The following PCDHGA6 variants were observed in gnomAD, a reference collection of about 807,000 sequenced individuals.
PCDHGA6 encodes protocadherin gamma-A6.
PCDHGA6 carries 41 observed loss-of-function variants against 60.6 expected under a neutral mutation model. The ratio of observed to expected loss-of-function variants is 0.68; its 90% CI spans 0.53 to 0.88. The LOEUF (loss-of-function observed/expected upper bound fraction) is 0.88, where lower values mean the gene tolerates loss of function less well. Among genes scored for constraint, PCDHGA6 ranks in the 40% least tolerant of loss-of-function variants. The pLI is 0.00. For missense variants in PCDHGA6, 1,312 were observed against 1,203.0 expected (o/e 1.09, Z -1.34); for synonymous variants, 594 against 524.4 (o/e 1.13, Z -1.81).
chr5:141,399,608 C>T (rs767025311), intron 1 of PCDHGA6: 3 of 1,613,962 alleles, frequency 1.9e-6, no homozygotes, highest in Non-Finnish European at 2.5e-6. Flanking sequence ...GACCTAGAGC[C>T]TCTGGCACTG....
chr5:141,417,682 AAAAG>A (rs2096147308), intron 1 of PCDHGA6: 2 of 1,035,494 alleles, frequency 1.9e-6, no homozygotes, highest in Non-Finnish European at 2.7e-6. Context: ...CCAACAACAG[AAAAG>A]AAAACCAGCT....
At chr5:141,500,618 C>A (rs554274946) in intron 2 of PCDHGA6, among the ~76,000 whole-genome samples, 27 of 152,260 alleles carry the variant, frequency 1.8e-4, no homozygotes, top group African/African-American at 6.5e-4. Context: ...CCCAGTCATA[C>A]GGTACATTTC....
intron 1 of PCDHGA6, chr5:141,404,234 G>A (rs2094500908): frequency 6.2e-7 from 1 of 1,613,770 alleles, no homozygotes; most frequent in African/African-American, 1.3e-5. Context: ...AACAGACAGA[G>A]GAACTCCGCC....
At chr5:141,385,487 A>G in intron 1 of PCDHGA6, 1 of 1,416,436 alleles carries the variant, frequency 7.1e-7, no homozygotes, top group Admixed American at 3.0e-5. Flanking sequence ...TATAGAACAC[A>G]TAGGATATAG....
intron 3 of PCDHGA6, among the ~76,000 whole-genome samples, chr5:141,507,521 C>G (rs2099861196): frequency 6.6e-6 from 1 of 151,972 alleles, no homozygotes; most frequent in African/African-American, 2.4e-5. Flanking sequence ...GGCTATGATT[C>G]CAGAGAGGCC....
chr5:141,498,814 T>G (rs2099785952), intron 2 of PCDHGA6, among the ~76,000 whole-genome samples: 1 of 151,956 alleles, frequency 6.6e-6, no homozygotes. Flanking sequence ...ACACCTGTAG[T>G]CCCAGCTACT....
At chr5:141,377,766 G>A (rs950570647) in intron 1 of PCDHGA6, 4 of 152,130 alleles carry the variant, frequency 2.6e-5, no homozygotes, top group African/African-American at 9.7e-5. Flanking sequence ...CCAGATCTTT[G>A]GTGTTAAAAG....
At chr5:141,496,289 G>A (rs1347634489) in intron 2 of PCDHGA6, among the ~76,000 whole-genome samples, 3 of 152,224 alleles carry the variant, frequency 2.0e-5, no homozygotes, top group Non-Finnish European at 4.4e-5. Flanking sequence ...GGTCTGAGCA[G>A]AGTGGGATAG....
intron 1 of PCDHGA6, chr5:141,410,167 T>C (rs372848702): frequency 6.2e-7 from 1 of 1,613,652 alleles, no homozygotes; most frequent in African/African-American, 1.3e-5. Context: ...CGCCACTCTC[T>C]GCCACCGCCA....
chr5:141,432,215 C>T lies in PCDHGA6; in HGVS notation c.2424+55708C>T. The T allele has an allele frequency of 1.9e-6, 3 of 1,614,228 alleles. No individual in the cohort carries two copies. The highest frequency in any genetic ancestry group is 2.5e-6 in the Non-Finnish European group (3 of 1,180,036). The stretch of plus-strand genomic sequence containing the variant: ...CGACCCCGACTGTGAAGAGAACGCC[C>T]AGATCACTTATTCCCTGGCTGAGAA... On this transcript the variant is annotated intron_variant, in intron 1 of 3. Transcript: ENST00000517434. This position sits in a 1 kb window ranked among gnomAD's most constrained non-coding sequence, Gnocchi z 6.0.
At position 141,431,942 on chromosome 5, in the gene PCDHGA6, G is replaced by A. The variant is rs1284808063; in HGVS notation, c.2424+55435G>A. 6.2e-7 allele frequency: 1 copy of A among 1,614,116 alleles called. No homozygotes were observed. The highest frequency in any genetic ancestry group is 2.2e-5 in the East Asian group (1 of 44,884). ...CCAAGGAAATCTGCCCTTTAAATTA[G>A]AAAAATCTTACGGAAATTACTATAG... On this transcript the variant is annotated intron_variant, in intron 1 of 3. Transcript: ENST00000517434. The surrounding 1 kb of genome is among the most constrained non-coding windows in gnomAD (Gnocchi z 4.8).
chr5:141,379,890 T>A (rs1002813574), intron 1 of PCDHGA6, among the ~76,000 whole-genome samples: 1 of 25,360 alleles, frequency 3.9e-5, no homozygotes, highest in East Asian at 2.2e-3. Context: ...TGAAAGCCTC[T>A]TTTTTTTTTT....
intron 3 of PCDHGA6, 85 bp from the exon 4 acceptor site, chr5:141,510,862 C>A: frequency 6.2e-7 from 1 of 1,606,772 alleles, no homozygotes. Context: ...GCTGTATAGG[C>A]ATTCATTAAC....
intron 1 of PCDHGA6, among the ~76,000 whole-genome samples, chr5:141,460,961 A>ATATG (rs1463306338): frequency 3.5e-5 from 5 of 144,556 alleles, no homozygotes; most frequent in African/African-American, 1.3e-4. Flanking sequence ...GTATATATAT[A>ATATG]TGTGTGTGTG....
chr5:141,388,937 C>T, intron 1 of PCDHGA6: 1 of 1,613,964 alleles, frequency 6.2e-7, no homozygotes, highest in Non-Finnish European at 8.5e-7. Context: ...AGTCTCTACC[C>T]AACCTAATTA....
intron 1 of PCDHGA6, chr5:141,412,147 G>C (rs1447265509): frequency 6.6e-6 from 1 of 152,176 alleles, no homozygotes; most frequent in East Asian, 1.9e-4. Context: ...GATACAAACT[G>C]CCTAAGAGAA....
intron 1 of PCDHGA6, among the ~76,000 whole-genome samples, chr5:141,381,021 A>C (rs1337045827): frequency 6.6e-6 from 1 of 152,244 alleles, no homozygotes; most frequent in Non-Finnish European, 1.5e-5. Context: ...TACCTCTATT[A>C]GTTCCTTTAA....
At chr5:141,418,563 C>A (rs2096269554) in intron 1 of PCDHGA6, 2 of 1,613,998 alleles carry the variant, frequency 1.2e-6, no homozygotes, top group Non-Finnish European at 1.7e-6. Context: ...GTAATAGATG[C>A]CAATGACAAC....
At chr5:141,423,702 C>T in intron 1 of PCDHGA6, 4 of 1,340,970 alleles carry the variant, frequency 3.0e-6, no homozygotes, top group South Asian at 1.6e-5. Flanking sequence ...GGTGTCTTGG[C>T]ACAAGTCTTT....
Sources: allele counts gnomAD v4.1 joint callset (sites outside exome capture counted in the v4.1 genomes callset), GRCh38; gene constraint gnomAD v4.1.1; non-coding constraint Gnocchi (gnomAD v3.1); transcripts MANE v1.5; gene names NCBI Gene and HGNC (gene_info 2026-07-23, HGNC 2026-07-21).